NWD2: variants seen among roughly 807,000 people sequenced by gnomAD.
NWD2 encodes NACHT and WD repeat domain-containing protein 2.
A neutral mutation model predicts 132.7 loss-of-function variants in NWD2; 37 were observed. The ratio of observed to expected loss-of-function variants is 0.28; its 90% CI spans 0.21 to 0.37. NWD2 has a LOEUF of 0.37. Among genes scored for constraint, NWD2 ranks in the 10% least tolerant of loss-of-function variants. NWD2 has a pLI of 1.00. For missense variants in NWD2, 1,592 were observed against 2,122.4 expected, an observed-to-expected ratio of 0.75 and a Z score of 4.91; for synonymous variants, 705 against 803.0, an observed-to-expected ratio of 0.88 and a Z score of 2.06.
Position 37,244,754 on chromosome 4 carries a change from G to C in NWD2, c.-314G>C. On this transcript the variant is annotated 5_prime_UTR_variant, in exon 1 of 7. Coordinates refer to ENST00000309447, the MANE Select transcript of NWD2 (RefSeq NM_001144990.2). This position sits in a 1 kb window ranked among gnomAD's most constrained non-coding sequence, Gnocchi z 5.5. ...GCGCTTCCCGGCGCAAACGGGCGCT[G>C]CGCGCGTAGCCGCCGCCACGCTGAC... The C allele has an allele frequency of 3.4e-6, 1 of 292,478 alleles. No individual in the cohort carries two copies. The highest frequency in any genetic ancestry group is 6.9e-5 in the East Asian group (1 of 14,482). The allele number at this position is 292,478 out of a possible 1,614,324, so 18.1% of individuals were successfully genotyped here.
chr4:37,339,574 G>C (rs1719477147), intron 2 of NWD2, among the ~76,000 whole-genome samples: 1 of 152,162 alleles, frequency 6.6e-6, no homozygotes, highest in African/African-American at 2.4e-5. Context: ...GCAATAAACA[G>C]AATTAAGAGA....
intron 3 of NWD2, among the ~76,000 whole-genome samples, chr4:37,373,311 C>T (rs1165104648): frequency 1.3e-5 from 2 of 152,230 alleles, no homozygotes; most frequent in Non-Finnish European, 2.9e-5. Context: ...AGAGATGCTT[C>T]ATTCTAACTT....
At chr4:37,272,917 G>A (rs1424340689) in intron 1 of NWD2, among the ~76,000 whole-genome samples, 1 of 151,794 alleles carries the variant, frequency 6.6e-6, no homozygotes, top group Non-Finnish European at 1.5e-5. Flanking sequence ...AATGCTCCAT[G>A]TTTGAAGAGA....
chr4:37,423,487 C>T (rs537736481), intron 3 of NWD2, among the ~76,000 whole-genome samples: 15 of 152,244 alleles, frequency 9.9e-5, no homozygotes, highest in Admixed American at 3.3e-4. Context: ...GGTATAAATT[C>T]GAGTCCAAGT....
At chr4:37,388,547 G>T (rs1372013602) in intron 3 of NWD2, among the ~76,000 whole-genome samples, 2 of 150,716 alleles carry the variant, frequency 1.3e-5, no homozygotes, top group Non-Finnish European at 3.0e-5. Flanking sequence ...CTTTAAGTGA[G>T]TTTTACTTCT....
intron 1 of NWD2, among the ~76,000 whole-genome samples, chr4:37,246,094 C>T (rs1267631786): frequency 6.6e-6 from 1 of 152,014 alleles, no homozygotes; most frequent in Non-Finnish European, 1.5e-5. Flanking sequence ...AGGAATTGCT[C>T]TTTTCTAGGA....
rs1234234214 is a variant in NWD2, at chr4:37,448,329, A to G, written c.*1112A>G. 1 of 152,064 alleles carries G rather than the reference A, an allele frequency of 6.6e-6. No homozygotes were observed. Among genetic ancestry groups the G allele is most frequent in the Non-Finnish European group, 1.5e-5 (1 of 68,004 alleles). 9.4% of individuals were successfully genotyped at this position (152,064 alleles called of 1,614,324 possible). A position where few individuals can be genotyped will look rare whatever the true frequency, so the allele number is the denominator to read the frequency against. ...TCTTAAGGGTGTCCAAAAGTTCTTTATTGTCCTTGTTTGTAATCACTTTCT... is the reference window on the plus strand; with the variant it reads ...TCTTAAGGGTGTCCAAAAGTTCTTTGTTGTCCTTGTTTGTAATCACTTTCT... On this transcript the variant is annotated 3_prime_UTR_variant, in exon 7 of 7. Transcript: ENST00000309447.
rs999909573 is a variant in NWD2 at position 37,312,061 on chromosome 4, G to A, written c.152-13875G>A. Among the ~76,000 whole-genome samples, 75 of 151,896 alleles carry A rather than the reference G, an allele frequency of 4.9e-4. 1 individual carries two copies. The highest frequency in any genetic ancestry group is 6.5e-4 in the African/African-American group (27 of 41,278). On this transcript the variant is annotated intron_variant, in intron 1 of 6. Coordinates refer to ENST00000309447, the MANE Select transcript of NWD2 (RefSeq NM_001144990.2). ...GTAGTATAGTTTGAAGTCAGGTAGC[G>A]TGATGCCTCCAGCTTTGTTCTTTTG... is the stretch of plus-strand genomic sequence containing the variant.
intron 2 of NWD2, among the ~76,000 whole-genome samples, chr4:37,352,464 T>C (rs1719789852): frequency 6.6e-6 from 1 of 152,190 alleles, no homozygotes; most frequent in Admixed American, 6.5e-5. Context: ...CAGAGGGGTG[T>C]TGAAGTCTCC....
intron 2 of NWD2, among the ~76,000 whole-genome samples, chr4:37,338,827 C>A (rs1055623728): frequency 4.6e-5 from 7 of 152,100 alleles, no homozygotes; most frequent in Non-Finnish European, 8.8e-5. Context: ...GTTTTTTTCT[C>A]CTCTGTCTCT....
At chr4:37,379,970 G>A (rs1158656841) in intron 3 of NWD2, among the ~76,000 whole-genome samples, 2 of 152,172 alleles carry the variant, frequency 1.3e-5, no homozygotes, top group Admixed American at 1.3e-4. Context: ...GGAAACAACC[G>A]AAAAGTAAAG....
At chr4:37,307,393 T>A (rs1362983512) in intron 1 of NWD2, among the ~76,000 whole-genome samples, 1 of 152,096 alleles carries the variant, frequency 6.6e-6, no homozygotes, top group Non-Finnish European at 1.5e-5. Flanking sequence ...ATAAGTTTGT[T>A]GGGTAATGTA....
At chr4:37,307,179 A>G (rs1577662530) in intron 1 of NWD2, among the ~76,000 whole-genome samples, 1 of 152,282 alleles carries the variant, frequency 6.6e-6, no homozygotes, top group East Asian at 1.9e-4. Flanking sequence ...TTCTGTAGTG[A>G]TAAAGTTTAA....
At chr4:37,357,101 A>T (rs1719885538) in intron 3 of NWD2, among the ~76,000 whole-genome samples, 2 of 152,052 alleles carry the variant, frequency 1.3e-5, no homozygotes, top group Non-Finnish European at 2.9e-5. Context: ...TGGCAGTAAG[A>T]TAAATAGGTC....
chr4:37,263,270 C>T lies in NWD2; in HGVS notation c.151+18052C>T, dbSNP rs926388381. ...TTTCATAGCAGGTACCCAAGATGAT[C>T]AAGAATCATACTGACTATTTTTTTT... On this transcript the variant is annotated intron_variant, in intron 1 of 6. Coordinates refer to ENST00000309447, the MANE Select transcript of NWD2 (RefSeq NM_001144990.2). Among the ~76,000 whole-genome samples the T allele has an allele frequency of 2.6e-5, 4 of 152,146 alleles. No homozygotes were observed. In the East Asian group the frequency reaches 5.8e-4, roughly 22 times the overall value.
chr4:37,344,508 A>G (rs761725930), intron 2 of NWD2, among the ~76,000 whole-genome samples: 3 of 152,204 alleles, frequency 2.0e-5, no homozygotes, highest in Non-Finnish European at 4.4e-5. Context: ...CTATAAGGAA[A>G]TAACAGATGC....
intron 1 of NWD2, among the ~76,000 whole-genome samples, chr4:37,315,007 ATGAG>A (rs1560392627): frequency 6.6e-6 from 1 of 152,118 alleles, no homozygotes. Context: ...TTTTTGATGC[ATGAG>A]TAATAATGTC....
intron 1 of NWD2, among the ~76,000 whole-genome samples, chr4:37,285,113 C>T (rs1718202759): frequency 6.6e-6 from 1 of 152,178 alleles, no homozygotes; most frequent in South Asian, 2.1e-4. Flanking sequence ...GCCCCTTTCA[C>T]TCCCCACATC....
intron 2 of NWD2, among the ~76,000 whole-genome samples, chr4:37,345,699 A>T (rs1270634094): frequency 6.6e-6 from 1 of 152,162 alleles, no homozygotes; most frequent in African/African-American, 2.4e-5. Context: ...TTTTAAAAAA[A>T]TTTTAAGTAG....
Sources: allele counts gnomAD v4.1 joint callset (sites outside exome capture counted in the v4.1 genomes callset), GRCh38; gene constraint gnomAD v4.1.1; non-coding constraint Gnocchi (gnomAD v3.1); transcripts MANE v1.5; gene names NCBI Gene and HGNC (gene_info 2026-07-23, HGNC 2026-07-21).